HYOU1: variants seen among roughly 807,000 people sequenced by gnomAD.
HYOU1 encodes hypoxia up-regulated protein 1.
In HYOU1, 40 loss-of-function variants were observed where a neutral mutation model predicts 120.5. The observed-to-expected ratio is 0.33, with a 90% CI of 0.26 to 0.43. The LOEUF is 0.43. Ranked by LOEUF, HYOU1 falls within the 20% of genes least tolerant of loss-of-function variation. The pLI is 1.00. For synonymous variants in HYOU1, 501 were observed against 479.4 expected, an observed-to-expected ratio of 1.05 and a Z score of -0.59; for missense variants, 1,085 against 1,278.3, an observed-to-expected ratio of 0.85 and a Z score of 2.31.
chr11:119,054,400 C>A, intron 7 of HYOU1, 94 bp downstream of exon 7: 2 of 1,386,372 alleles, frequency 1.4e-6, no homozygotes, highest in Non-Finnish European at 1.0e-6. Context: ...CAAGGGTCAG[C>A]CCAGCCATGC....
At chr11:119,056,219 G>C in intron 1 of HYOU1, 52 bp from the exon 2 acceptor site, 1 of 1,281,202 alleles carries the variant, frequency 7.8e-7, no homozygotes. Flanking sequence ...CGGAGTGAAG[G>C]AGACAGAATC....
rs139920723 is a variant in HYOU1, at chr11:119,051,529, G to A, written c.1435C>T (p.Arg479Cys). ...LFSRMGPYPQ[R>C]KVITFNRYSH... ...TAGCGGTTAAAGGTGATGACTTTGC[G>A]TTGAGGGTAGGGCCCCATCCGAGAG... The change falls in exon 13 of 26, where the codon CGC (arginine) becomes TGC (cysteine). Residue 479 changes from arginine (R) to cysteine (C), a missense_variant. Transcript: ENST00000617285. This position sits in a 1 kb window ranked among gnomAD's most constrained non-coding sequence, Gnocchi z 4.2. The A allele has an allele frequency of 1.1e-5, 17 of 1,614,008 alleles. No individual in the cohort carries two copies. Among genetic ancestry groups the A allele is most frequent in the Admixed American group, 5.0e-5 (3 of 60,000 alleles).
rs2133610404 is a variant in HYOU1 at position 119,055,151 on chromosome 11, T to C, written c.419+34A>G. 8.1e-6 allele frequency: 13 copies of C among 1,611,590 alleles called. No individual in the cohort carries two copies. Among genetic ancestry groups the C allele is most frequent in the Middle Eastern group, 1.6e-4 (1 of 6,072 alleles). On this transcript the variant is annotated intron_variant, in intron 5 of 25. Coordinates refer to ENST00000617285, the MANE Select transcript of HYOU1 (RefSeq NM_006389.5). This position sits in a 1 kb window ranked among gnomAD's most constrained non-coding sequence, Gnocchi z 4.0. Reference sequence around the variant, plus strand: ...CACACCAATGAGGAGCCCAGCAGCGTTGCCGAGACCACCTTCCCCAACAGA... The same window carrying C: ...CACACCAATGAGGAGCCCAGCAGCGCTGCCGAGACCACCTTCCCCAACAGA...
rs1206629286 is a variant in HYOU1 at position 119,055,659 on chromosome 11, C to T, written c.186-88G>A. On this transcript the variant is annotated intron_variant, in intron 3 of 25. Coordinates refer to ENST00000617285, the MANE Select transcript of HYOU1 (RefSeq NM_006389.5). The surrounding 1 kb of genome is among the most constrained non-coding windows in gnomAD (Gnocchi z 4.0). ...CACACACATTTAACCACTCAGATGC[C>T]GAAGTCTGCTGTGGGCACTATGACT... 1.4e-5 allele frequency: 21 copies of T among 1,498,104 alleles called. No homozygotes were observed. In the East Asian group the frequency reaches 2.5e-4, roughly 18 times the overall value. The allele number at this position is 1,498,104 out of a possible 1,614,324, so 92.8% of individuals were successfully genotyped here.
chr11:119,054,345 A>C, intron 7 of HYOU1, 109 bp from the exon 8 acceptor site: 1 of 1,179,274 alleles, frequency 8.5e-7, no homozygotes, highest in East Asian at 2.4e-5. Context: ...CACAAAACTA[A>C]ACAGCTCCAA....
intron 14 of HYOU1, 150 bp downstream of exon 14, chr11:119,050,885 T>A (rs1944401434): frequency 5.1e-6 from 4 of 791,306 alleles, no homozygotes; most frequent in Non-Finnish European, 7.9e-6. Context: ...CTGCACCAGA[T>A]CATCAGTTAG....
Position 119,048,335 on chromosome 11 carries a change from G to A in HYOU1, c.2289C>T (p.Ser763=). The A allele has an allele frequency of 6.2e-7, 1 of 1,610,196 alleles. No individual in the cohort carries two copies. The highest frequency in any genetic ancestry group is 8.5e-7 in the Non-Finnish European group (1 of 1,179,966). ...AGATCTCCTCACGCTGCTCCTCTGT[G>A]GACACTTCCTGGTACTCGGGCTGGT... ...KLYQPEYQEV[S]TEEQREEISG... is the part of the protein sequence containing the mutation. The change falls in exon 20 of 26, where the codon TCC becomes TCT. Residue 763 remains serine, a synonymous_variant. Coordinates refer to ENST00000617285, the MANE Select transcript of HYOU1 (RefSeq NM_006389.5). The surrounding 1 kb of genome is among the most constrained non-coding windows in gnomAD (Gnocchi z 4.7).
In HYOU1 at chr11:119,055,396, C is replaced by A; in HGVS notation, c.265-57G>T. On this transcript the variant is annotated intron_variant, in intron 4 of 25. Coordinates refer to ENST00000617285, the MANE Select transcript of HYOU1 (RefSeq NM_006389.5). The surrounding 1 kb of genome is among the most constrained non-coding windows in gnomAD (Gnocchi z 4.0). Reference sequence around the variant, plus strand: ...AGGCTCCCAAGTCCACCATTACCTACCTCTTACATCACAGAGACTGATAAG... The same window carrying A: ...AGGCTCCCAAGTCCACCATTACCTAACTCTTACATCACAGAGACTGATAAG... 1.2e-6 allele frequency: 2 copies of A among 1,607,146 alleles called. No individual in the cohort carries two copies. The highest frequency in any genetic ancestry group is 2.2e-5 in the South Asian group (2 of 90,754).
rs782206320 is a variant in HYOU1, at chr11:119,045,495, C to CG, written c.*97dup. 9.5e-6 allele frequency: 10 copies of CG among 1,054,256 alleles called. No individual in the cohort carries two copies. The East Asian group carries it at 2.1e-4, about 22-fold the overall frequency. The allele number at this position is 1,054,256 out of a possible 1,614,324, so 65.3% of individuals were successfully genotyped here. A position where few individuals can be genotyped will look rare whatever the true frequency, so the allele number is the denominator to read the frequency against. On this transcript the variant is annotated 3_prime_UTR_variant, in exon 26 of 26. Coordinates refer to ENST00000617285, the MANE Select transcript of HYOU1 (RefSeq NM_006389.5). ...ACAGGGGTGAGAAAGGAACTCCAGC[C>CG]GAGGGCAGGACCAACCCCTCCCCCA...
Position 119,051,924 on chromosome 11 carries a change from T to G in HYOU1, c.1233A>C (p.Ala411=), listed in dbSNP as rs1414593096. 1 of 1,614,028 alleles carries G rather than the reference T, an allele frequency of 6.2e-7. No individual in the cohort carries two copies. The change falls in exon 12 of 26, where the codon GCA becomes GCC. Residue 411 remains alanine, a synonymous_variant. Coordinates refer to ENST00000617285, the MANE Select transcript of HYOU1 (RefSeq NM_006389.5). This position sits in a 1 kb window ranked among gnomAD's most constrained non-coding sequence, Gnocchi z 4.2. ...GKEELGKNIN[A]DEAAAMGAVY... The stretch of plus-strand genomic sequence containing the variant: ...CTGCCCCCATGGCGGCTGCTTCATC[T>G]GCATTGATGTTCTTCCCCAGCTCCT...
intron 8 of HYOU1, 108 bp downstream of exon 8, chr11:119,054,013 G>T (rs1944607281): frequency 5.9e-6 from 4 of 676,684 alleles, no homozygotes; most frequent in Non-Finnish European, 1.0e-5. Context: ...TCAATCAGGA[G>T]ACCATTCCTG....
chr11:119,047,925 A>G (rs1248146312), intron 21 of HYOU1, 22 bp downstream of exon 21: 1 of 1,613,914 alleles, frequency 6.2e-7, no homozygotes, highest in Non-Finnish European at 8.5e-7. Flanking sequence ...AGGACTGCAA[A>G]AAGGGTTCAG....
chr11:119,048,942 A>T lies in HYOU1; in HGVS notation c.1993-56T>A. Reference sequence around the variant, plus strand: ...AAGCCTCTGCCCTCCTACATTCTCCACAAGGCCAGAAACAAGGCAGGCGCC... The same window carrying T: ...AAGCCTCTGCCCTCCTACATTCTCCTCAAGGCCAGAAACAAGGCAGGCGCC... On this transcript the variant is annotated intron_variant, in intron 17 of 25. Transcript: ENST00000617285. The surrounding 1 kb of genome is among the most constrained non-coding windows in gnomAD (Gnocchi z 4.7). 6.2e-7 allele frequency: 1 copy of T among 1,608,994 alleles called. No homozygotes were observed. Among genetic ancestry groups the T allele is most frequent in the Non-Finnish European group, 8.5e-7 (1 of 1,177,702 alleles).
At position 119,055,495 on chromosome 11, in the gene HYOU1, T is replaced by C. The variant is rs1167146191; in HGVS notation, c.262A>G (p.Met88Val). ...GGGAAGAGGGACTGCTAGCTCACCATGCTTGCTGCACTGTCTCCAAAGAAT... is the reference window on the plus strand; with the variant it reads ...GGGAAGAGGGACTGCTAGCTCACCACGCTTGCTGCACTGTCTCCAAAGAAT... The part of the protein sequence containing the change: ...ERFFGDSAAS[M>V]AIKNPKATLR... Residue 88 changes from methionine (M) to valine (V), a missense_variant and splice_region_variant, in exon 4 of 26, where the codon ATG (methionine) becomes GTG (valine). Transcript: ENST00000617285. This position sits in a 1 kb window ranked among gnomAD's most constrained non-coding sequence, Gnocchi z 4.0. 10 of 1,613,894 alleles carry C rather than the reference T, an allele frequency of 6.2e-6. No individual in the cohort carries two copies. Among genetic ancestry groups the C allele is most frequent in the African/African-American group, 1.3e-5 (1 of 75,024 alleles).
chr11:119,054,954 G>A (rs2133608977), intron 6 of HYOU1, 30 bp downstream of exon 6: 4 of 1,603,536 alleles, frequency 2.5e-6, no homozygotes, highest in African/African-American at 1.3e-5. Flanking sequence ...TGGGGAGCCT[G>A]GCCCTAAGGG....
Position 119,055,809 on chromosome 11 carries a change from A to G in HYOU1, c.126T>C (p.Ser42=), listed in dbSNP as rs782429160. 3.7e-6 allele frequency: 6 copies of G among 1,614,012 alleles called. No homozygotes were observed. The African/African-American group carries it at 6.7e-5, about 18-fold the overall frequency. ...TGACAATGGCCACCTTCATGGACTC[A>G]CTGCCCAGGTCCACAGACATCACTG... ...TLAVMSVDLG[S]ESMKVAIVKP... is the part of the protein sequence containing the mutation. Residue 42 remains serine (S), a synonymous_variant, in exon 3 of 26, where the codon AGT becomes AGC. Coordinates refer to ENST00000617285, the MANE Select transcript of HYOU1 (RefSeq NM_006389.5). The surrounding 1 kb of genome is among the most constrained non-coding windows in gnomAD (Gnocchi z 4.0).
Position 119,051,560 on chromosome 11 carries a change from T to G in HYOU1, c.1404A>C (p.Val468=). 6.2e-7 allele frequency: 1 copy of G among 1,613,100 alleles called. No individual in the cohort carries two copies. The highest frequency in any genetic ancestry group is 8.5e-7 in the Non-Finnish European group (1 of 1,179,750). Reference sequence around the variant, plus strand: ...GGTAGGGCCCCATCCGAGAGAAGAGTACCCGTTTATTGTGCTTCAGGCTGT... The same window carrying G: ...GGTAGGGCCCCATCCGAGAGAAGAGGACCCGTTTATTGTGCTTCAGGCTGT... ...GIHSLKHNKR[V]LFSRMGPYPQ... is the part of the protein sequence containing the mutation. Residue 468 remains valine, a synonymous_variant, in exon 13 of 26, where the codon GTA becomes GTC. Transcript: ENST00000617285. The surrounding 1 kb of genome is among the most constrained non-coding windows in gnomAD (Gnocchi z 4.2).
chr11:119,049,208 G>A lies in HYOU1; in HGVS notation c.1807-5C>T. 1 of 1,590,894 alleles carries A rather than the reference G, an allele frequency of 6.3e-7. No homozygotes were observed. Among genetic ancestry groups the A allele is most frequent in the Non-Finnish European group, 8.6e-7 (1 of 1,169,462 alleles). Reference sequence around the variant, plus strand: ...TGCAGGGCTCTCCTCTTCCTCCTGGGAAACACCACAGGCGCCCCAGGGAAC... The same window carrying A: ...TGCAGGGCTCTCCTCTTCCTCCTGGAAAACACCACAGGCGCCCCAGGGAAC... On this transcript the variant is annotated splice_region_variant and splice_polypyrimidine_tract_variant and intron_variant, in intron 16 of 25. Coordinates refer to ENST00000617285, the MANE Select transcript of HYOU1 (RefSeq NM_006389.5).
At position 119,055,841 on chromosome 11, in the gene HYOU1, T is replaced by C. The variant is rs1359800525; in HGVS notation, c.94A>G (p.Thr32Ala). 3.1e-6 allele frequency: 5 copies of C among 1,613,480 alleles called. No individual in the cohort carries two copies. The highest frequency in any genetic ancestry group is 1.7e-5 in the Admixed American group (1 of 59,992). Residue 32 changes from threonine to alanine, a missense_variant and splice_region_variant, in exon 3 of 26, where the codon ACA (threonine) becomes GCA (alanine). Thr to Ala is a moderately conservative substitution (Grantham distance 58). Coordinates refer to ENST00000617285, the MANE Select transcript of HYOU1 (RefSeq NM_006389.5). This position sits in a 1 kb window ranked among gnomAD's most constrained non-coding sequence, Gnocchi z 4.0. ...AGGTCCACAGACATCACTGCCAGTGTATCTGAAGGGAAAAGAGGTTTGTCA... is the reference window on the plus strand; with the variant it reads ...AGGTCCACAGACATCACTGCCAGTGCATCTGAAGGGAAAAGAGGTTTGTCA... ...LLADLLALSDTLAVMSVDLGS... is the reference protein window; with the variant it reads ...LLADLLALSDALAVMSVDLGS...
Sources: allele counts gnomAD v4.1 joint callset, GRCh38; gene constraint gnomAD v4.1.1; non-coding constraint Gnocchi (gnomAD v3.1); transcripts MANE v1.5; gene names NCBI Gene and HGNC (gene_info 2026-07-23, HGNC 2026-07-21).